FAM20A: variants seen among roughly 807,000 people sequenced by gnomAD.
The protein encoded by FAM20A is FAM20A golgi associated secretory pathway pseudokinase, also known as pseudokinase FAM20A.
Under a neutral mutation model 52.0 loss-of-function variants are expected in FAM20A, and 42 were observed. The ratio of observed to expected loss-of-function variants is 0.81; its 90% confidence interval spans 0.63 to 1.04. FAM20A has a LOEUF of 1.04. Among genes scored for constraint, FAM20A ranks in the 50% least tolerant of loss-of-function variants. FAM20A has a pLI of 0.00. For missense variants in FAM20A, 742 were observed against 712.7 expected, an observed-to-expected ratio of 1.04 and a Z score of -0.47; for synonymous variants, 304 against 298.9, an observed-to-expected ratio of 1.02 and a Z score of -0.18.
intron 1 of FAM20A, among the ~76,000 whole-genome samples, chr17:68,564,748 T>C (rs2087325746): frequency 6.6e-6 from 1 of 152,120 alleles, no homozygotes; most frequent in Non-Finnish European, 1.5e-5. Context: ...AAATGGAGCT[T>C]CGGTGGCCTA....
In FAM20A at chr17:68,541,803, G is replaced by T. The variant is rs1183022101; in HGVS notation, c.1109+182C>A. ...GGTATATGGAAGGTTCTTTAGAACT[G>T]AATAAATGAACTAAAGGGGAGAACA... On this transcript the variant is annotated intron_variant, in intron 7 of 10. Coordinates refer to ENST00000592554, the MANE Select transcript of FAM20A (RefSeq NM_017565.4). 2.4e-5 allele frequency: 16 copies of T among 679,228 alleles called. No homozygotes were observed. In the East Asian group the frequency reaches 3.7e-4, roughly 16 times the overall value. The allele number at this position is 679,228 out of a possible 1,614,324, so 42.1% of individuals were successfully genotyped here.
Position 68,537,143 on chromosome 17 carries a change from T to G in FAM20A, c.*334A>C, listed in dbSNP as rs758933279. 2.0e-6 allele frequency: 1 copy of G among 505,180 alleles called. No individual in the cohort carries two copies. The highest frequency in any genetic ancestry group is 1.5e-5 in the South Asian group (1 of 64,964). 31.3% of individuals were successfully genotyped at this position (505,180 alleles called of 1,614,324 possible). On this transcript the variant is annotated 3_prime_UTR_variant, in exon 11 of 11. Coordinates refer to ENST00000592554, the MANE Select transcript of FAM20A (RefSeq NM_017565.4). This position sits in a 1 kb window ranked among gnomAD's most constrained non-coding sequence, Gnocchi z 4.2. ...AGGTATCCACTTGATGTCCTTTTAT[T>G]TGACTTGTTACCATTAGTACTCTCC...
intron 1 of FAM20A, among the ~76,000 whole-genome samples, chr17:68,588,908 C>A (rs2088229929): frequency 6.6e-6 from 1 of 152,228 alleles, no homozygotes; most frequent in Non-Finnish European, 1.5e-5. Flanking sequence ...TTACCACTAT[C>A]AGCTGTCTGC....
intron 1 of FAM20A, among the ~76,000 whole-genome samples, chr17:68,557,268 A>C (rs945115151): frequency 5.9e-5 from 9 of 152,158 alleles, no homozygotes; most frequent in Non-Finnish European, 1.2e-4. Flanking sequence ...AATAAAATAT[A>C]CCACAGGGAT....
In FAM20A at chr17:68,537,227, C is replaced by G. The variant is rs944107686; in HGVS notation, c.*250G>C. The G allele has an allele frequency of 6.2e-6, 4 of 644,144 alleles. No individual in the cohort carries two copies. Among genetic ancestry groups the G allele is most frequent in the African/African-American group, 1.8e-5 (1 of 56,088 alleles). The allele number at this position is 644,144 out of a possible 1,614,324, so 39.9% of individuals were successfully genotyped here. A position where few individuals can be genotyped will look rare whatever the true frequency, so the allele number is the denominator to read the frequency against. ...AGATTTCCCAGTGCACTCAGGAGAT[C>G]GTCGGTGGCCTTGATGAAGCCAGTG... On this transcript the variant is annotated 3_prime_UTR_variant, in exon 11 of 11. Transcript: ENST00000592554. The surrounding 1 kb of genome is among the most constrained non-coding windows in gnomAD (Gnocchi z 4.2).
At chr17:68,586,064 A>C (rs1452993156) in intron 1 of FAM20A, among the ~76,000 whole-genome samples, 1 of 152,210 alleles carries the variant, frequency 6.6e-6, no homozygotes, top group African/African-American at 2.4e-5. Flanking sequence ...CCCACCAAGC[A>C]GGGCTGACTC....
At chr17:68,559,753 G>A (rs2087157356) in intron 1 of FAM20A, among the ~76,000 whole-genome samples, 1 of 152,166 alleles carries the variant, frequency 6.6e-6, no homozygotes, top group African/African-American at 2.4e-5. Context: ...AACTAATGTT[G>A]CTGGTGTTTT....
chr17:68,559,665 T>A (rs2087154731), intron 1 of FAM20A, among the ~76,000 whole-genome samples: 1 of 152,242 alleles, frequency 6.6e-6, no homozygotes, highest in South Asian at 2.1e-4. Context: ...AGCAAATGCA[T>A]TTACATGGCT....
intron 1 of FAM20A, among the ~76,000 whole-genome samples, chr17:68,593,933 C>T (rs1355672441): frequency 6.6e-6 from 1 of 152,144 alleles, no homozygotes; most frequent in Non-Finnish European, 1.5e-5. Flanking sequence ...AAAAGCCTTC[C>T]CAAAGGAGGA....
intron 1 of FAM20A, among the ~76,000 whole-genome samples, chr17:68,560,551 T>G (rs1038990548): frequency 6.6e-6 from 1 of 152,198 alleles, no homozygotes; most frequent in African/African-American, 2.4e-5. Context: ...TACTTTGTTA[T>G]AGCAGTCTGA....
chr17:68,554,631 A>G, intron 3 of FAM20A, 146 bp downstream of exon 3: 1 of 783,734 alleles, frequency 1.3e-6, no homozygotes, highest in Non-Finnish European at 2.2e-6. Context: ...TTGTGGGTGG[A>G]TGGGGAGAAA....
At position 68,536,628 on chromosome 17, in the gene FAM20A, T is replaced by A; in HGVS notation, c.*849A>T. 2.2e-6 allele frequency: 1 copy of A among 452,176 alleles called. No homozygotes were observed. Among genetic ancestry groups the A allele is most frequent in the Non-Finnish European group, 4.4e-6 (1 of 226,084 alleles). The allele number at this position is 452,176 out of a possible 1,614,324, so 28.0% of individuals were successfully genotyped here. A position where few individuals can be genotyped will look rare whatever the true frequency, so the allele number is the denominator to read the frequency against. On this transcript the variant is annotated 3_prime_UTR_variant, in exon 11 of 11. Coordinates refer to ENST00000592554, the MANE Select transcript of FAM20A (RefSeq NM_017565.4). ...AATCCTGGGGTCTTAGGGAAGAAGA[T>A]TGTGGTTGGTGGGCTGTAGTCAGCC...
chr17:68,543,492 C>T (rs1600531768), intron 5 of FAM20A, 137 bp downstream of exon 5: 4 of 737,720 alleles, frequency 5.4e-6, no homozygotes, highest in African/African-American at 1.7e-5. Context: ...TCAAAGACAC[C>T]ACGATGAGGC....
At chr17:68,543,585 T>C in intron 5 of FAM20A, 44 bp downstream of exon 5, 2 of 1,559,832 alleles carry the variant, frequency 1.3e-6, no homozygotes, top group East Asian at 2.2e-5. Context: ...TCCCAGAGGA[T>C]TGGTCCTTAT....
rs575767341 is a variant in FAM20A, at chr17:68,582,855, A to G, written c.404+17408T>C. Among the ~76,000 whole-genome samples, 11 of 127,506 alleles carry G rather than the reference A, an allele frequency of 8.6e-5. No individual in the cohort carries two copies. In the East Asian group the frequency reaches 2.2e-3, roughly 25 times the overall value. The allele number at this position is 127,506 out of a possible 152,430, so 83.6% of individuals were successfully genotyped here. On this transcript the variant is annotated intron_variant, in intron 1 of 10. Coordinates refer to ENST00000592554, the MANE Select transcript of FAM20A (RefSeq NM_017565.4). ...CCCAGGCTGGATGGAGTGTAGTGGC[A>G]TGATCTAGGCTCACTGCAACCTCCG...
rs867031084 is a variant in FAM20A at position 68,555,676 on chromosome 17, C to T, written c.472G>A (p.Glu158Lys). 16 of 1,613,750 alleles carry T rather than the reference C, an allele frequency of 9.9e-6. No homozygotes were observed. Among genetic ancestry groups the T allele is most frequent in the African/African-American group, 5.3e-5 (4 of 74,900 alleles). Residue 158 changes from glutamate to lysine, a missense_variant, in exon 2 of 11, where the codon GAG becomes AAG. By Grantham distance (56) the Glu-to-Lys change is moderately conservative. Transcript: ENST00000592554. ...SLDPPLQLRL[E>K]ASWVQFHLGI... is the part of the protein sequence containing the mutation. ...AGGTGGAACTGGACCCAGCTGGCCT[C>T]GAGTCGGAGCTGCAGTGGGGGGTCC...
intron 1 of FAM20A, among the ~76,000 whole-genome samples, chr17:68,561,105 G>A (rs137904085): frequency 6.6e-6 from 1 of 152,106 alleles, no homozygotes; most frequent in Non-Finnish European, 1.5e-5. Context: ...TTCACTTATG[G>A]TGATTTTTTA....
At chr17:68,594,912 G>T (rs1172401065) in intron 1 of FAM20A, among the ~76,000 whole-genome samples, 2 of 152,178 alleles carry the variant, frequency 1.3e-5, no homozygotes, top group African/African-American at 4.8e-5. Context: ...AACTGGTACG[G>T]GGCCTTAATT....
In FAM20A at chr17:68,556,448, A is replaced by C. The variant is rs1013199177; in HGVS notation, c.405-705T>G. 2.0e-5 allele frequency among the ~76,000 whole-genome samples: 3 copies of C among 152,252 alleles called. 1 individual carries two copies. The East Asian group carries it at 5.8e-4, about 29-fold the overall frequency. On this transcript the variant is annotated intron_variant, in intron 1 of 10. Coordinates refer to ENST00000592554, the MANE Select transcript of FAM20A (RefSeq NM_017565.4). The stretch of plus-strand genomic sequence containing the variant: ...CAAAGCTGTTATAAATCAACTGCTA[A>C]ACATGTGGCTCAGATGGAAAAGCCT...
Sources: allele counts gnomAD v4.1 joint callset (sites outside exome capture counted in the v4.1 genomes callset), GRCh38; gene constraint gnomAD v4.1.1; non-coding constraint Gnocchi (gnomAD v3.1); transcripts MANE v1.5; gene names NCBI Gene and HGNC (gene_info 2026-07-23, HGNC 2026-07-21).